ARHGAP21: variants seen among roughly 807,000 people sequenced by gnomAD.
ARHGAP21 encodes the protein rho GTPase-activating protein 21.
In ARHGAP21, 38 loss-of-function variants were observed where a neutral mutation model predicts 164.6. The ratio of observed to expected loss-of-function variants is 0.23; its 90% CI spans 0.18 to 0.30. ARHGAP21 has a LOEUF of 0.30. Ranked by LOEUF, ARHGAP21 falls within the 10% of genes least tolerant of loss-of-function variation. ARHGAP21 has a pLI of 1.00. For synonymous variants in ARHGAP21, 766 were observed against 857.9 expected, an observed-to-expected ratio of 0.89 and a Z score of 1.87; for missense variants, 1,822 against 2,370.7, an observed-to-expected ratio of 0.77 and a Z score of 4.81.
chr10:24,698,132 T>C (rs1046628908), intron 2 of ARHGAP21, among the ~76,000 whole-genome samples: 1 of 152,120 alleles, frequency 6.6e-6, no homozygotes, highest in African/African-American at 2.4e-5. Context: ...AAATTGAAAG[T>C]CACTATGAAT....
chr10:24,646,319 T>G (rs2131495258), intron 4 of ARHGAP21, among the ~76,000 whole-genome samples: 1 of 152,072 alleles, frequency 6.6e-6, no homozygotes, highest in South Asian at 2.1e-4. Flanking sequence ...AGGTCTTAAG[T>G]TATGGAGCAG....
At chr10:24,701,271 C>T (rs1843648074) in intron 2 of ARHGAP21, among the ~76,000 whole-genome samples, 1 of 152,176 alleles carries the variant, frequency 6.6e-6, no homozygotes, top group Non-Finnish European at 1.5e-5. Flanking sequence ...CTTGAGGCCT[C>T]TTTGGTGTGG....
At chr10:24,722,495 A>T (rs1846027440) in intron 1 of ARHGAP21, 1 of 154,854 alleles carries the variant, frequency 6.5e-6, no homozygotes, top group South Asian at 2.0e-4. Context: ...CCTGGCTGTT[A>T]TGCAGCCTTC....
chr10:24,680,820 T>G (rs1368838861), intron 2 of ARHGAP21, among the ~76,000 whole-genome samples: 1 of 152,182 alleles, frequency 6.6e-6, no homozygotes, highest in Non-Finnish European at 1.5e-5. Flanking sequence ...TTTCTCCACC[T>G]AAGAAATATC....
At chr10:24,634,170 TC>T (rs1395307266) in intron 5 of ARHGAP21, among the ~76,000 whole-genome samples, 1 of 151,924 alleles carries the variant, frequency 6.6e-6, no homozygotes, top group Non-Finnish European at 1.5e-5. Flanking sequence ...TCTAAAGAAA[TC>T]CCACATGCAT....
At chr10:24,700,552 T>C (rs944318302) in intron 2 of ARHGAP21, among the ~76,000 whole-genome samples, 5 of 152,160 alleles carry the variant, frequency 3.3e-5, no homozygotes, top group Non-Finnish European at 7.4e-5. Flanking sequence ...CAATGAAATA[T>C]AAAACATGAA....
intron 4 of ARHGAP21, among the ~76,000 whole-genome samples, chr10:24,650,135 C>A (rs1252195781): frequency 6.6e-6 from 1 of 152,036 alleles, no homozygotes; most frequent in Non-Finnish European, 1.5e-5. Context: ...GTGTACCCAG[C>A]AAAAATACCT....
intron 4 of ARHGAP21, among the ~76,000 whole-genome samples, chr10:24,650,370 A>C (rs1383399451): frequency 2.0e-5 from 3 of 152,126 alleles, no homozygotes; most frequent in Admixed American, 6.6e-5. Context: ...AAAACAACAA[A>C]AAAAGCAACA....
intron 9 of ARHGAP21, among the ~76,000 whole-genome samples, chr10:24,610,613 A>AT (rs1248738446): frequency 1.3e-5 from 2 of 152,068 alleles, no homozygotes; most frequent in African/African-American, 2.4e-5. Context: ...TTCAATTTGG[A>AT]TTTTTTCCAA....
intron 2 of ARHGAP21, among the ~76,000 whole-genome samples, chr10:24,672,026 G>C (rs1048910112): frequency 6.6e-6 from 1 of 150,686 alleles, no homozygotes; most frequent in Non-Finnish European, 1.5e-5. Context: ...CACCACACTT[G>C]GCCAAAATCC....
chr10:24,648,259 A>T (rs912632789), intron 4 of ARHGAP21, among the ~76,000 whole-genome samples: 2 of 152,200 alleles, frequency 1.3e-5, no homozygotes, highest in Non-Finnish European at 2.9e-5. Context: ...CTACTTGTTT[A>T]CCACATAGCA....
chr10:24,666,890 C>T (rs181662633), intron 4 of ARHGAP21, 95 bp downstream of exon 4: 2 of 923,324 alleles, frequency 2.2e-6, no homozygotes, highest in Admixed American at 3.1e-5. Context: ...TATTTGAACA[C>T]CAAAAATTAT....
chr10:24,684,550 T>C (rs528668356), intron 2 of ARHGAP21, among the ~76,000 whole-genome samples: 2 of 152,336 alleles, frequency 1.3e-5, no homozygotes, highest in Non-Finnish European at 2.9e-5. Flanking sequence ...CAAAAACTCC[T>C]GTCAAAAACA....
rs766455392 is a variant in ARHGAP21, at chr10:24,670,212, T to C, written c.243+6A>G. 213 of 1,576,182 alleles carry C rather than the reference T, an allele frequency of 1.4e-4. 1 individual carries two copies. Among genetic ancestry groups the C allele is most frequent in the Non-Finnish European group, 1.7e-4 (197 of 1,159,266 alleles). The stretch of plus-strand genomic sequence containing the variant: ...TTTTTCAAGTTGCGGTAACTATTTC[T>C]CTTACCTTATATGAAAATTGAATTG... On this transcript the variant is annotated splice_donor_region_variant and intron_variant, in intron 3 of 25. Transcript: ENST00000396432.
intron 9 of ARHGAP21, among the ~76,000 whole-genome samples, chr10:24,608,435 C>T (rs560886967): frequency 1.3e-5 from 2 of 152,214 alleles, no homozygotes; most frequent in East Asian, 3.9e-4. Flanking sequence ...GCCATTTGCA[C>T]AAAATTCTTA....
At chr10:24,607,167 CAT>C (rs2077061938) in intron 11 of ARHGAP21, among the ~76,000 whole-genome samples, 1 of 152,264 alleles carries the variant, frequency 6.6e-6, no homozygotes, top group South Asian at 2.1e-4. Context: ...AGTACACACA[CAT>C]ATATGCATAT....
chr10:24,611,489 A>G (rs1565008688), intron 9 of ARHGAP21, among the ~76,000 whole-genome samples: 1 of 152,128 alleles, frequency 6.6e-6, no homozygotes, highest in East Asian at 1.9e-4. Context: ...TGATCACTTG[A>G]AGTCAGGAGT....
At position 24,585,274 on chromosome 10, in the gene ARHGAP21, C is replaced by T; in HGVS notation, c.5015G>A (p.Ser1672Asn). ...ACTTCCCTCGGTGCAACTTAATTCA[C>T]TTCCTTCAGAATTTCTCCGGCTGCT... is the stretch of plus-strand genomic sequence containing the variant. Reference protein sequence around the residue: ...TKSSRRNSEGSELSCTEGSLT... With the variant: ...TKSSRRNSEGNELSCTEGSLT... The change falls in exon 26 of 26, where the codon AGT (serine) becomes AAT (asparagine). Residue 1672 changes from serine to asparagine, a missense_variant. By Grantham distance (46) the Ser-to-Asn change is conservative (BLOSUM62 1). Transcript: ENST00000396432. 23 of 1,608,010 alleles carry T rather than the reference C, an allele frequency of 1.4e-5. No homozygotes were observed. Among genetic ancestry groups the T allele is most frequent in the Non-Finnish European group, 1.8e-5 (21 of 1,179,154 alleles).
At chr10:24,609,425 C>G (rs1332229378) in intron 9 of ARHGAP21, among the ~76,000 whole-genome samples, 1 of 152,138 alleles carries the variant, frequency 6.6e-6, no homozygotes, top group African/African-American at 2.4e-5. Flanking sequence ...AGGATAGATA[C>G]TCACCTGTTC....
Sources: gnomAD v4.1 joint callset for allele counts (sites outside exome capture counted in the v4.1 genomes callset) on GRCh38, gnomAD v4.1.1 for gene constraint, MANE v1.5 for transcripts, NCBI Gene and HGNC (gene_info 2026-07-23, HGNC 2026-07-21) for gene names.